The following DNMT3A variants were observed in gnomAD, a reference collection of about 807,000 sequenced individuals.
DNMT3A encodes the protein DNA methyltransferase 3 alpha, also known as DNA (cytosine-5)-methyltransferase 3A.
DNMT3A carries 267 observed loss-of-function variants against 117.6 expected under a neutral mutation model. The observed-to-expected ratio is 2.27, with a 90% confidence interval of 2.05 to 2.51. The LOEUF is 2.51. Among genes scored for constraint, DNMT3A ranks in the 30% most tolerant of loss-of-function variants. DNMT3A has a pLI of 0.00. For missense variants in DNMT3A, 1,029 were observed against 1,260.2 expected (o/e 0.82, Z 2.78); for synonymous variants, 432 against 474.8 (o/e 0.91, Z 1.17).
Position 25,240,398 on chromosome 2 carries a change from C to CCG in DNMT3A, c.2224_2225dup (p.Pro743GlyfsTer37), listed in dbSNP as rs745364706. The stretch of plus-strand genomic sequence containing the variant: ...AGGGGCGATCATCTCCCTCCTTGGG[C>CCG]CGCGCATCATGCAGGAGGCGGTAGA... On this transcript the variant is annotated frameshift_variant, in exon 19 of 23. Coordinates refer to ENST00000321117, the MANE Select transcript of DNMT3A (RefSeq NM_022552.5). LOFTEE classifies it high-confidence loss of function. 2 of 1,613,840 alleles carry CCG rather than the reference C, an allele frequency of 1.2e-6. No homozygotes were observed. Among genetic ancestry groups the CCG allele is most frequent in the Non-Finnish European group, 8.5e-7 (1 of 1,179,852 alleles).
chr2:25,255,283 A>C (rs1489619138), intron 6 of DNMT3A, among the ~76,000 whole-genome samples: 1 of 152,248 alleles, frequency 6.6e-6, no homozygotes, highest in Non-Finnish European at 1.5e-5. Context: ...CTCAGGTCAC[A>C]CATGCTCTTG....
intron 6 of DNMT3A, among the ~76,000 whole-genome samples, chr2:25,268,275 T>G (rs888533541): frequency 6.6e-6 from 1 of 152,116 alleles, no homozygotes; most frequent in African/African-American, 2.4e-5. Context: ...CCTAGAACAA[T>G]AGGACATGGT....
intron 17 of DNMT3A, 57 bp downstream of exon 17, chr2:25,241,505 C>A: frequency 6.4e-7 from 1 of 1,560,476 alleles, no homozygotes; most frequent in Non-Finnish European, 8.7e-7. Flanking sequence ...GGGCTGCCTC[C>A]AGGTGCTGAG....
At chr2:25,244,502 C>G in intron 14 of DNMT3A, 38 bp downstream of exon 14, 2 of 1,609,416 alleles carry the variant, frequency 1.2e-6, no homozygotes. Context: ...AGCCTGGGGC[C>G]CAGCTAAGGA....
chr2:25,247,343 G>A lies in DNMT3A; in HGVS notation c.1015-185C>T. ...AGACCAAGAGTAGGGAAGTACCTGA[G>A]TGCAGGTGGAAAGGAATTCTAGTGA... On this transcript the variant is annotated intron_variant, in intron 8 of 22. Transcript: ENST00000321117. The surrounding 1 kb of genome is among the most constrained non-coding windows in gnomAD (Gnocchi z 5.6). 1.3e-6 allele frequency: 1 copy of A among 771,116 alleles called. No individual in the cohort carries two copies. Among genetic ancestry groups the A allele is most frequent in the Non-Finnish European group, 2.1e-6 (1 of 484,858 alleles). The allele number at this position is 771,116 out of a possible 1,614,324, so 47.8% of individuals were successfully genotyped here.
chr2:25,281,976 C>G lies in DNMT3A; in HGVS notation c.448+465G>C. 9.1e-7 allele frequency: 1 copy of G among 1,094,642 alleles called. No individual in the cohort carries two copies. Among genetic ancestry groups the G allele is most frequent in the Non-Finnish European group, 1.1e-6 (1 of 896,608 alleles). The allele number at this position is 1,094,642 out of a possible 1,614,324, so 67.8% of individuals were successfully genotyped here. ...ATCTGCTGCCCTTGAGTGCCCAGGC[C>G]AGGGGCTACAAATACAGCAACCCCC... is the stretch of plus-strand genomic sequence containing the variant. On this transcript the variant is annotated intron_variant, in intron 4 of 22. Transcript: ENST00000321117. The surrounding 1 kb of genome is among the most constrained non-coding windows in gnomAD (Gnocchi z 4.8).
rs1336706909 is a variant in DNMT3A, at chr2:25,251,158, G to C, written c.640-2906C>G. On this transcript the variant is annotated intron_variant, in intron 6 of 22. Transcript: ENST00000321117. Reference sequence around the variant, plus strand: ...GGGGTGGGGGAAGGAAGAAGCGGGGGGGGGGGTGGGTGAGCAGCAGGGGGC... The same window carrying C: ...GGGGTGGGGGAAGGAAGAAGCGGGGCGGGGGGTGGGTGAGCAGCAGGGGGC... Among the ~76,000 whole-genome samples, 12 of 144,484 alleles carry C rather than the reference G, an allele frequency of 8.3e-5. No individual in the cohort carries two copies. The East Asian group carries it at 1.7e-3, about 21-fold the overall frequency. 94.8% of individuals were successfully genotyped at this position (144,484 alleles called of 152,430 possible). A position where few individuals can be genotyped will look rare whatever the true frequency, so the allele number is the denominator to read the frequency against.
intron 1 of DNMT3A, among the ~76,000 whole-genome samples, chr2:25,323,471 A>G (rs963157554): frequency 5.9e-5 from 9 of 152,178 alleles, no homozygotes; most frequent in African/African-American, 9.6e-5. Context: ...GGGGTTTCCA[A>G]CACTGGCCTT....
chr2:25,268,718 C>G (rs780413892), intron 6 of DNMT3A, among the ~76,000 whole-genome samples: 49 of 152,296 alleles, frequency 3.2e-4, no homozygotes, highest in Admixed American at 5.9e-4. Flanking sequence ...CTCTGGCCCC[C>G]CTTTACCCAT....
At chr2:25,246,088 T>A (rs761996597) in intron 11 of DNMT3A, 24 bp from the exon 12 acceptor site, 2 of 1,614,032 alleles carry the variant, frequency 1.2e-6, no homozygotes, top group Non-Finnish European at 8.5e-7. Context: ...AGAGCTGGCG[T>A]CAGAGGAGGC....
chr2:25,258,406 T>C (rs1414921265), intron 6 of DNMT3A, among the ~76,000 whole-genome samples: 2 of 152,146 alleles, frequency 1.3e-5, no homozygotes, highest in Non-Finnish European at 2.9e-5. Context: ...TGTAAGCGAA[T>C]TGTGCTTTAT....
At chr2:25,295,814 T>G (rs1054110816) in intron 3 of DNMT3A, among the ~76,000 whole-genome samples, 1 of 152,230 alleles carries the variant, frequency 6.6e-6, no homozygotes, top group Non-Finnish European at 1.5e-5. Flanking sequence ...GTAACCCCTG[T>G]AAAACGCCTT....
chr2:25,267,774 C>T (rs1401067331), intron 6 of DNMT3A, among the ~76,000 whole-genome samples: 5 of 152,242 alleles, frequency 3.3e-5, no homozygotes, highest in African/African-American at 4.8e-5. Flanking sequence ...CACACTTTCA[C>T]CCTGCACCTC....
chr2:25,248,136 GT>G lies in DNMT3A; in HGVS notation c.755del (p.Asp252AlafsTer64). 1 of 1,613,828 alleles carries G rather than the reference GT, an allele frequency of 6.2e-7. No individual in the cohort carries two copies. On this transcript the variant is annotated frameshift_variant, in exon 7 of 23. Coordinates refer to ENST00000321117, the MANE Select transcript of DNMT3A (RefSeq NM_022552.5). LOFTEE classifies it high-confidence loss of function. ...TGGTAGCCACAGTGGGGGATGCGGG[GT>G]CAGTGGGCTGCTGCACAGCAGGAGG... ...ASPPAVQQPT[D>X]PASPTVATTP... is the part of the protein sequence containing the mutation.
At chr2:25,328,563 C>T (rs2034878698) in intron 1 of DNMT3A, 2 of 459,802 alleles carry the variant, frequency 4.3e-6, no homozygotes, top group Non-Finnish European at 9.1e-6. Flanking sequence ...AGAGTTCATG[C>T]GTTGTATCTT....
chr2:25,306,166 G>A lies in DNMT3A; in HGVS notation c.73-5923C>T, dbSNP rs371464225. Among the ~76,000 whole-genome samples the A allele has an allele frequency of 5.3e-4, 80 of 152,260 alleles. 1 individual carries two copies. Among genetic ancestry groups the A allele is most frequent in the African/African-American group, 1.8e-3 (73 of 41,550 alleles). ...TGCAGAGCTACAGCCACACGCTTGC[G>A]TACCCCAATGCCACACAGACACTCA... On this transcript the variant is annotated intron_variant, in intron 2 of 22. Transcript: ENST00000321117. The surrounding 1 kb of genome is among the most constrained non-coding windows in gnomAD (Gnocchi z 4.1).
In DNMT3A at chr2:25,341,057, C is replaced by CT. The variant is rs2035410002; in HGVS notation, c.-178+768dup. On this transcript the variant is annotated intron_variant, in intron 1 of 22. Transcript: ENST00000321117. ...GGCGCTCTCCCCGGCCCCGCCGCCC[C>CT]TCCCGGCCCCGCCGGCGCCCCGCAC... is the stretch of plus-strand genomic sequence containing the variant. Among the ~76,000 whole-genome samples, 3 of 145,592 alleles carry CT rather than the reference C, an allele frequency of 2.1e-5. No homozygotes were observed. The South Asian group carries it at 6.3e-4, about 31-fold the overall frequency.
chr2:25,246,509 T>G (rs1279356795), intron 10 of DNMT3A, 111 bp downstream of exon 10: 5 of 1,488,932 alleles, frequency 3.4e-6, no homozygotes, highest in East Asian at 2.3e-5. Flanking sequence ...CTGTTCCCAC[T>G]GGGCCCCTCT....
chr2:25,247,845 G>T lies in DNMT3A; in HGVS notation c.856-96C>A. ...AACCCCAGCCCTGGGCATCTGGGGG[G>T]CAGGACAGCCAGGAGGGAGCTCCAT... On this transcript the variant is annotated intron_variant, in intron 7 of 22. Coordinates refer to ENST00000321117, the MANE Select transcript of DNMT3A (RefSeq NM_022552.5). The surrounding 1 kb of genome is among the most constrained non-coding windows in gnomAD (Gnocchi z 5.6). 3.9e-6 allele frequency: 6 copies of T among 1,554,740 alleles called. No homozygotes were observed. Among genetic ancestry groups the T allele is most frequent in the East Asian group, 2.3e-5 (1 of 42,780 alleles).
Sources: allele counts gnomAD v4.1 joint callset (sites outside exome capture counted in the v4.1 genomes callset), GRCh38; gene constraint gnomAD v4.1.1; non-coding constraint Gnocchi (gnomAD v3.1); transcripts MANE v1.5; gene names NCBI Gene and HGNC (gene_info 2026-07-23, HGNC 2026-07-21).